The following NLGN1 variants were observed in gnomAD, a reference collection of about 807,000 sequenced individuals.
NLGN1 encodes neuroligin 1, also known as neuroligin-1.
NLGN1 carries 12 observed loss-of-function variants against 65.5 expected under a neutral mutation model. The ratio of observed to expected loss-of-function variants is 0.18; its 90% CI spans 0.12 to 0.30. The LOEUF (loss-of-function observed/expected upper bound fraction) is 0.30, where lower values mean the gene tolerates loss of function less well. Ranked by LOEUF, NLGN1 falls within the 10% of genes least tolerant of loss-of-function variation. The pLI is 1.00. For missense variants in NLGN1, 750 were observed against 1,007.1 expected (o/e 0.74, Z 3.46); for synonymous variants, 350 against 359.5 (o/e 0.97, Z 0.30).
chr3:173,932,149 G>A (rs1334366704), intron 4 of NLGN1, among the ~76,000 whole-genome samples: 1 of 152,036 alleles, frequency 6.6e-6, no homozygotes. Context: ...AGGTGAGCAT[G>A]TGGGTACACA....
intron 3 of NLGN1, among the ~76,000 whole-genome samples, chr3:173,615,228 T>C (rs1752879703): frequency 6.6e-6 from 1 of 152,086 alleles, no homozygotes; most frequent in Non-Finnish European, 1.5e-5. Flanking sequence ...TTGATTGTTA[T>C]TCTTTTTGGT....
At chr3:174,018,150 A>G (rs1726997208) in intron 4 of NLGN1, among the ~76,000 whole-genome samples, 2 of 152,196 alleles carry the variant, frequency 1.3e-5, no homozygotes, top group South Asian at 4.1e-4. Context: ...AAAGAAAAGA[A>G]ATATGGCTCT....
chr3:173,582,271 A>T (rs1177705527), intron 2 of NLGN1, among the ~76,000 whole-genome samples: 2 of 151,956 alleles, frequency 1.3e-5, no homozygotes, highest in Non-Finnish European at 2.9e-5. Context: ...CCAGCTATTT[A>T]TCTGAAGGTG....
intron 3 of NLGN1, among the ~76,000 whole-genome samples, chr3:173,711,603 G>T (rs1769004216): frequency 6.6e-6 from 1 of 152,150 alleles, no homozygotes; most frequent in Admixed American, 6.6e-5. Flanking sequence ...GCTCCAGTCA[G>T]CCAAGGGGTT....
At chr3:173,743,001 A>G (rs1390886866) in intron 3 of NLGN1, among the ~76,000 whole-genome samples, 1 of 152,170 alleles carries the variant, frequency 6.6e-6, no homozygotes, top group Non-Finnish European at 1.5e-5. Context: ...TTGCCTGGCT[A>G]GACCTATGTC....
intron 2 of NLGN1, among the ~76,000 whole-genome samples, chr3:173,518,437 A>G (rs1005770670): frequency 6.6e-6 from 1 of 151,014 alleles, no homozygotes; most frequent in Non-Finnish European, 1.5e-5. Context: ...AACTAATTAT[A>G]TGTAGGTATG....
intron 4 of NLGN1, among the ~76,000 whole-genome samples, chr3:173,870,537 G>A (rs901017705): frequency 6.6e-6 from 1 of 152,128 alleles, no homozygotes; most frequent in Non-Finnish European, 1.5e-5. Flanking sequence ...TTTGGTTTTG[G>A]TTTTGACTGT....
chr3:173,708,060 G>T (rs1229626741), intron 3 of NLGN1, among the ~76,000 whole-genome samples: 14 of 152,114 alleles, frequency 9.2e-5, no homozygotes, highest in African/African-American at 2.9e-4. Context: ...ATTTATATTA[G>T]CAATTATATA....
chr3:174,180,911 A>G (rs1299726989), intron 4 of NLGN1: 3 of 86,486 alleles, frequency 3.5e-5, no homozygotes, highest in Admixed American at 1.1e-4. Flanking sequence ...TCTTTGGGGG[A>G]AAAAAAAGAG....
intron 2 of NLGN1, among the ~76,000 whole-genome samples, chr3:173,533,448 T>C (rs1310220736): frequency 6.6e-6 from 1 of 152,146 alleles, no homozygotes; most frequent in East Asian, 1.9e-4. Flanking sequence ...CCCATGAGTA[T>C]GCAGGCAACT....
intron 3 of NLGN1, among the ~76,000 whole-genome samples, chr3:173,738,427 G>C (rs956194181): frequency 6.6e-6 from 1 of 152,036 alleles, no homozygotes; most frequent in Non-Finnish European, 1.5e-5. Flanking sequence ...TGTGCATGGT[G>C]TGAGGAAGGA....
chr3:173,399,996 G>A (rs1183650104), intron 1 of NLGN1: 1 of 152,012 alleles, frequency 6.6e-6, no homozygotes, highest in Non-Finnish European at 1.5e-5. Context: ...TTTACACAAA[G>A]GAGTTATTTC....
At chr3:174,227,986 A>G (rs1286211285) in intron 4 of NLGN1, among the ~76,000 whole-genome samples, 1 of 152,062 alleles carries the variant, frequency 6.6e-6, no homozygotes, top group Non-Finnish European at 1.5e-5. Context: ...TTTTTAATAT[A>G]TAGTTGTACA....
At chr3:174,199,685 TCTC>T (rs748526612) in intron 4 of NLGN1, among the ~76,000 whole-genome samples, 17 of 152,164 alleles carry the variant, frequency 1.1e-4, no homozygotes, top group Non-Finnish European at 2.1e-4. Context: ...AAAGAAACTT[TCTC>T]CTCATTATCA....
intron 3 of NLGN1, among the ~76,000 whole-genome samples, chr3:173,610,080 A>G (rs930886663): frequency 1.8e-4 from 27 of 151,766 alleles, no homozygotes; most frequent in Admixed American, 4.6e-4. Flanking sequence ...AAATGGGGAG[A>G]GTAAGAGGAG....
chr3:174,122,717 C>G (rs1439649699), intron 4 of NLGN1, among the ~76,000 whole-genome samples: 1 of 152,042 alleles, frequency 6.6e-6, no homozygotes, highest in Non-Finnish European at 1.5e-5. Flanking sequence ...ATCATTTGCT[C>G]TGGTTTTTCC....
rs201682400 is a variant in NLGN1, at chr3:174,182,378, CTTA to C, written c.647-92932_647-92930del. Among the ~76,000 whole-genome samples the C allele has an allele frequency of 6.0e-3, 919 of 152,234 alleles. 4 individuals are homozygous for C. The highest frequency in any genetic ancestry group is 0.021 in the African/African-American group (859 of 41,534). On this transcript the variant is annotated intron_variant, in intron 4 of 6. Transcript: ENST00000457714. ...CTGCCCACCTACAATATGTTCCAAA[CTTA>C]TTATGTGCTATGAGGGAGTCAGGAG...
At chr3:173,738,855 C>G (rs2129932) in intron 3 of NLGN1, among the ~76,000 whole-genome samples, 107,106 of 151,836 alleles carry the variant, frequency 0.71, 37,903 homozygotes, top group East Asian at 0.84. Context: ...CATTCAACTG[C>G]AAGAGGCAAA....
chr3:174,096,333 A>G (rs1258477308), intron 4 of NLGN1, among the ~76,000 whole-genome samples: 1 of 151,760 alleles, frequency 6.6e-6, no homozygotes, highest in African/African-American at 2.4e-5. Flanking sequence ...TTGGTGACCC[A>G]TGAAGGGTTC....
Sources: gnomAD v4.1 joint callset for allele counts (sites outside exome capture counted in the v4.1 genomes callset) on GRCh38, gnomAD v4.1.1 for gene constraint, MANE v1.5 for transcripts, NCBI Gene and HGNC (gene_info 2026-07-23, HGNC 2026-07-21) for gene names.